FAM171A1: variants seen among roughly 807,000 people sequenced by gnomAD.
FAM171A1 encodes the protein family with sequence similarity 171 member A1.
Under a neutral mutation model 74.9 loss-of-function variants are expected in FAM171A1, and 23 were observed. The ratio of observed to expected loss-of-function variants is 0.31; its 90% CI spans 0.22 to 0.44. The LOEUF (loss-of-function observed/expected upper bound fraction) is 0.44, where lower values mean the gene tolerates loss of function less well. Ranked by LOEUF, FAM171A1 falls within the 20% of genes least tolerant of loss-of-function variation. The probability of loss-of-function intolerance (pLI) is 1.00; values close to 1 mark genes in which losing one functional copy is unlikely to be tolerated. For missense variants in FAM171A1, 1,162 were observed against 1,159.2 expected, an observed-to-expected ratio of 1.00 and a Z score of -0.03; for synonymous variants, 527 against 505.7, an observed-to-expected ratio of 1.04 and a Z score of -0.57.
At chr10:15,215,608 C>G (rs953622327) in intron 7 of FAM171A1, among the ~76,000 whole-genome samples, 2 of 152,118 alleles carry the variant, frequency 1.3e-5, no homozygotes, top group Non-Finnish European at 2.9e-5. Flanking sequence ...TCAAGTGATC[C>G]GCCCACCTCG....
chr10:15,353,792 A>C (rs1255334792), intron 1 of FAM171A1, among the ~76,000 whole-genome samples: 1 of 152,118 alleles, frequency 6.6e-6, no homozygotes, highest in Non-Finnish European at 1.5e-5. Context: ...TCAGAAACAC[A>C]GTAAAAGTCA....
At chr10:15,347,589 G>C (rs1275776498) in intron 1 of FAM171A1, among the ~76,000 whole-genome samples, 5 of 152,126 alleles carry the variant, frequency 3.3e-5, no homozygotes, top group Non-Finnish European at 7.4e-5. Flanking sequence ...TGTAATGCCA[G>C]CACTTTGGGA....
At chr10:15,281,352 A>G (rs540636089) in intron 2 of FAM171A1, among the ~76,000 whole-genome samples, 12 of 152,308 alleles carry the variant, frequency 7.9e-5, no homozygotes, top group Non-Finnish European at 1.6e-4. Context: ...TGAAAAGGCA[A>G]AGCGCAGAAA....
chr10:15,303,614 T>C (rs942628038), intron 1 of FAM171A1, among the ~76,000 whole-genome samples: 12 of 152,188 alleles, frequency 7.9e-5, no homozygotes, highest in Admixed American at 2.0e-4. Context: ...CAACAGACAA[T>C]GGGAAGTTGT....
chr10:15,328,168 G>T (rs1343977969), intron 1 of FAM171A1, among the ~76,000 whole-genome samples: 1 of 151,880 alleles, frequency 6.6e-6, no homozygotes, highest in Non-Finnish European at 1.5e-5. Flanking sequence ...TTCCGAGATG[G>T]AGTTTCGCTC....
chr10:15,315,369 G>T (rs1196675674), intron 1 of FAM171A1, among the ~76,000 whole-genome samples: 1 of 152,238 alleles, frequency 6.6e-6, no homozygotes, highest in Non-Finnish European at 1.5e-5. Flanking sequence ...TTGAGTGTTA[G>T]TTGTGTGGTT....
chr10:15,366,181 G>A (rs970670064), intron 1 of FAM171A1, among the ~76,000 whole-genome samples: 2 of 152,112 alleles, frequency 1.3e-5, no homozygotes. Context: ...GTGCAGTGGT[G>A]CGATCTCTAC....
rs898168221 is a variant in FAM171A1 at position 15,289,956 on chromosome 10, C to T, written c.98-5851G>A. Reference sequence around the variant, plus strand: ...TGGCCCTTTAGAGAAAAAGGAAGGCCATGTGGCTCACGCCTGTAATCCCAG... The same window carrying T: ...TGGCCCTTTAGAGAAAAAGGAAGGCTATGTGGCTCACGCCTGTAATCCCAG... On this transcript the variant is annotated intron_variant, in intron 1 of 7. Transcript: ENST00000378116. Among the ~76,000 whole-genome samples, 7 of 152,266 alleles carry T rather than the reference C, an allele frequency of 4.6e-5. No individual in the cohort carries two copies. In the East Asian group the frequency reaches 1.4e-3, roughly 29 times the overall value.
rs1233945472 is a variant in FAM171A1, at chr10:15,212,323, C to T, written c.*592G>A. On this transcript the variant is annotated 3_prime_UTR_variant, in exon 8 of 8. Coordinates refer to ENST00000378116, the MANE Select transcript of FAM171A1 (RefSeq NM_001010924.2). ...ACCGCTGAGAAGCGGAACAGATGAA[C>T]ACAAAGGAATCAAATCTTTACAACC... The T allele has an allele frequency of 1.3e-5, 2 of 156,244 alleles. No homozygotes were observed. The highest frequency in any genetic ancestry group is 4.8e-5 in the African/African-American group (2 of 41,450). 9.7% of individuals were successfully genotyped at this position (156,244 alleles called of 1,614,324 possible).
intron 3 of FAM171A1, among the ~76,000 whole-genome samples, chr10:15,255,656 T>TC (rs987723039): frequency 2.0e-5 from 3 of 149,140 alleles, no homozygotes; most frequent in African/African-American, 4.9e-5. Context: ...TTCTTCTTCT[T>TC]TTTTTTTTTT....
At chr10:15,256,752 A>G (rs1033923729) in intron 3 of FAM171A1, among the ~76,000 whole-genome samples, 1 of 152,152 alleles carries the variant, frequency 6.6e-6, no homozygotes, top group African/African-American at 2.4e-5. Context: ...TGGTCTGTGG[A>G]GAGTTCAAAT....
At chr10:15,333,520 A>G (rs1311296157) in intron 1 of FAM171A1, among the ~76,000 whole-genome samples, 1 of 149,906 alleles carries the variant, frequency 6.7e-6, no homozygotes, top group African/African-American at 2.5e-5. Flanking sequence ...CAAATAGACA[A>G]CCAATCAACC....
chr10:15,260,924 C>A (rs1177033946), intron 3 of FAM171A1, among the ~76,000 whole-genome samples: 7 of 152,184 alleles, frequency 4.6e-5, no homozygotes, highest in Admixed American at 3.9e-4. Flanking sequence ...GCACTATATA[C>A]CCTGAGCACC....
chr10:15,212,315 C>T lies in FAM171A1; in HGVS notation c.*600G>A, dbSNP rs901787774. The T allele has an allele frequency of 5.8e-5, 9 of 154,992 alleles. No homozygotes were observed. The highest frequency in any genetic ancestry group is 1.7e-4 in the African/African-American group (7 of 41,454). 9.6% of individuals were successfully genotyped at this position (154,992 alleles called of 1,614,324 possible). A position where few individuals can be genotyped will look rare whatever the true frequency, so the allele number is the denominator to read the frequency against. On this transcript the variant is annotated 3_prime_UTR_variant, in exon 8 of 8. Transcript: ENST00000378116. ...TGAGATGGACCGCTGAGAAGCGGAA[C>T]AGATGAACACAAAGGAATCAAATCT...
intron 5 of FAM171A1, among the ~76,000 whole-genome samples, chr10:15,245,127 G>A (rs1193365594): frequency 1.3e-5 from 2 of 151,660 alleles, no homozygotes; most frequent in South Asian, 4.2e-4. Flanking sequence ...GTGTGGGGAC[G>A]CTATCTTGGC....
At chr10:15,254,321 A>G (rs1452320334) in intron 4 of FAM171A1, among the ~76,000 whole-genome samples, 3 of 152,248 alleles carry the variant, frequency 2.0e-5, no homozygotes, top group African/African-American at 7.2e-5. Flanking sequence ...CCACCCACCC[A>G]CAGGCTACCC....
intron 3 of FAM171A1, among the ~76,000 whole-genome samples, chr10:15,275,503 G>T (rs924692591): frequency 6.6e-6 from 1 of 151,574 alleles, no homozygotes; most frequent in Non-Finnish European, 1.5e-5. Flanking sequence ...CATCATGTTG[G>T]CCAGGCTGGT....
At chr10:15,342,970 C>T (rs942414322) in intron 1 of FAM171A1, among the ~76,000 whole-genome samples, 3 of 152,200 alleles carry the variant, frequency 2.0e-5, no homozygotes, top group Non-Finnish European at 4.4e-5. Flanking sequence ...CCTTACCATG[C>T]ACACCCCACA....
At chr10:15,311,280 A>G (rs894754798) in intron 1 of FAM171A1, among the ~76,000 whole-genome samples, 5 of 152,214 alleles carry the variant, frequency 3.3e-5, no homozygotes, top group Non-Finnish European at 7.3e-5. Context: ...GCATGGGTAT[A>G]TTCTCAATGT....
Sources: gnomAD v4.1 joint callset for allele counts (sites outside exome capture counted in the v4.1 genomes callset) on GRCh38, gnomAD v4.1.1 for gene constraint, MANE v1.5 for transcripts, NCBI Gene and HGNC (gene_info 2026-07-23, HGNC 2026-07-21) for gene names.